The following DTHD1 variants were observed in gnomAD, a reference collection of about 807,000 sequenced individuals.
The protein encoded by DTHD1 is death domain-containing protein 1.
In DTHD1, 59 loss-of-function variants were observed where a neutral mutation model predicts 74.8. The observed-to-expected ratio is 0.79, with a 90% CI of 0.64 to 0.98. The LOEUF (loss-of-function observed/expected upper bound fraction) is 0.98. Ranked by LOEUF, DTHD1 falls within the 50% of genes least tolerant of loss-of-function variation. The pLI, the probability that DTHD1 is intolerant of heterozygous loss-of-function variation, is 0.00. For missense variants in DTHD1, 1,051 were observed against 1,065.4 expected (o/e 0.99, Z 0.19); for synonymous variants, 365 against 371.1 (o/e 0.98, Z 0.19).
At chr4:36,330,805 T>C (rs1758618132) in intron 8 of DTHD1, among the ~76,000 whole-genome samples, 1 of 152,202 alleles carries the variant, frequency 6.6e-6, no homozygotes, top group South Asian at 2.1e-4. Flanking sequence ...TTTGTGATTA[T>C]GTTGAACACA....
intron 8 of DTHD1, among the ~76,000 whole-genome samples, chr4:36,325,195 CA>C (rs1230976580): frequency 1.3e-5 from 2 of 152,102 alleles, no homozygotes; most frequent in East Asian, 1.9e-4. Context: ...CAAAATTCAC[CA>C]AAAAACTGTG....
chr4:36,329,066 A>G (rs1182789700), intron 8 of DTHD1, among the ~76,000 whole-genome samples: 2 of 152,160 alleles, frequency 1.3e-5, no homozygotes, highest in Admixed American at 1.3e-4. Context: ...TTTTTCTTTT[A>G]TGCTTTACCA....
intron 6 of DTHD1, among the ~76,000 whole-genome samples, chr4:36,306,873 G>T (rs939618352): frequency 6.6e-6 from 1 of 152,206 alleles, no homozygotes; most frequent in African/African-American, 2.4e-5. Context: ...ATTTATGATT[G>T]TCTTGAATCC....
At chr4:36,339,265 T>G (rs767382599) in intron 9 of DTHD1, 96 bp downstream of exon 9, 419 of 880,736 alleles carry the variant, frequency 4.8e-4, no homozygotes, top group Non-Finnish European at 6.5e-4. Context: ...ATGGAGAAAG[T>G]GACTTTCCAA....
At chr4:36,312,977 G>A (rs1178946444) in intron 7 of DTHD1, among the ~76,000 whole-genome samples, 1 of 152,228 alleles carries the variant, frequency 6.6e-6, no homozygotes, top group African/African-American at 2.4e-5. Context: ...GCATGGCTTA[G>A]AGGTAGAGCT....
At chr4:36,319,328 C>G (rs746165096) in intron 8 of DTHD1, among the ~76,000 whole-genome samples, 1 of 152,176 alleles carries the variant, frequency 6.6e-6, no homozygotes, top group Non-Finnish European at 1.5e-5. Context: ...TCTCCAGATT[C>G]TAAAAGTTTA....
rs1224734213 is a variant in DTHD1, at chr4:36,281,856, AC to A, written c.100del (p.Leu34PhefsTer63). The A allele has an allele frequency of 7.9e-7, 1 of 1,262,592 alleles. No homozygotes were observed. Among genetic ancestry groups the A allele is most frequent in the Admixed American group, 3.8e-5 (1 of 26,154 alleles). The allele number at this position is 1,262,592 out of a possible 1,614,324, so 78.2% of individuals were successfully genotyped here. A position where few individuals can be genotyped will look rare whatever the true frequency, so the allele number is the denominator to read the frequency against. On this transcript the variant is annotated frameshift_variant, in exon 1 of 10. Transcript: ENST00000639862. LOFTEE classifies it high-confidence loss of function. ...QMLKQALLGD[D>X]LCEGAGGATW... ...CTAAAGCAGGCACTCTTGGGTGATG[AC>A]CTTTGTGAGGGGGCTGGTGGGGCCA...
chr4:36,299,866 A>G (rs139413718), intron 5 of DTHD1, among the ~76,000 whole-genome samples: 4 of 152,222 alleles, frequency 2.6e-5, no homozygotes, highest in Non-Finnish European at 4.4e-5. Context: ...ATATTTTCCC[A>G]GCTACTGGGG....
chr4:36,297,507 C>T lies in DTHD1; in HGVS notation c.1643+2468C>T, dbSNP rs570579539. ...TCAGTTCTTCTTCTCCCTTTTCCCC[C>T]AAGCCGAAGCAATTAATTTTTTTTG... On this transcript the variant is annotated intron_variant, in intron 5 of 9. Transcript: ENST00000639862. 2.0e-5 allele frequency among the ~76,000 whole-genome samples: 3 copies of T among 152,136 alleles called. No individual in the cohort carries two copies. The East Asian group carries it at 5.8e-4, about 29-fold the overall frequency.
chr4:36,294,717 AAAAAACTGGATTAG>A (rs1054316512), intron 4 of DTHD1, 64 bp from the exon 5 acceptor site: 2 of 1,383,548 alleles, frequency 1.4e-6, no homozygotes, highest in Non-Finnish European at 1.9e-6. Flanking sequence ...TAGAATTTTC[AAAAAACTGGATTAG>A]AAATGTACCA....
chr4:36,301,462 G>T (rs1756768487), intron 5 of DTHD1, among the ~76,000 whole-genome samples: 1 of 151,988 alleles, frequency 6.6e-6, no homozygotes, highest in Non-Finnish European at 1.5e-5. Flanking sequence ...GAAAAAAAAT[G>T]ATCATTAATA....
chr4:36,344,783 T>C lies in DTHD1; in HGVS notation c.*959T>C, dbSNP rs1367494834. On this transcript the variant is annotated 3_prime_UTR_variant, in exon 10 of 10. Coordinates refer to ENST00000639862, the MANE Select transcript of DTHD1 (RefSeq NM_001170700.3). ...CCCTTGGCTGAGAGAAGGGGCTTGT[T>C]CAGATAGTTGGGAGACTTAGAATTT... The C allele has an allele frequency of 6.6e-6, 1 of 152,194 alleles. No individual in the cohort carries two copies. The highest frequency in any genetic ancestry group is 1.5e-5 in the Non-Finnish European group (1 of 68,038). The allele number at this position is 152,194 out of a possible 1,614,324, so 9.4% of individuals were successfully genotyped here.
At chr4:36,293,486 C>A (rs1232258874) in intron 3 of DTHD1, 40 bp from the exon 4 acceptor site, 8 of 1,383,764 alleles carry the variant, frequency 5.8e-6, no homozygotes, top group Non-Finnish European at 7.6e-6. Context: ...TTTTTCAAAT[C>A]AGTGCTATAG....
At chr4:36,284,751 T>G (rs971690831) in intron 2 of DTHD1, among the ~76,000 whole-genome samples, 160 bp downstream of exon 2, 2 of 152,210 alleles carry the variant, frequency 1.3e-5, no homozygotes, top group Non-Finnish European at 2.9e-5. Context: ...TCTGGAGGCT[T>G]GGAAATCCAA....
Position 36,293,631 on chromosome 4 carries a change from T to A in DTHD1, c.1324T>A (p.Ser442Thr). 1 of 1,549,502 alleles carries A rather than the reference T, an allele frequency of 6.5e-7. No individual in the cohort carries two copies. Among genetic ancestry groups the A allele is most frequent in the African/African-American group, 1.4e-5 (1 of 73,142 alleles). Reference protein sequence around the residue: ...TVTKKGLALKSSMDSRISLNY... With the variant: ...TVTKKGLALKTSMDSRISLNY... Reference sequence around the variant, plus strand: ...AACAAAGAAAGGCCTCGCTCTTAAGTCAAGCATGGATTCCCGAATATCCTT... The same window carrying A: ...AACAAAGAAAGGCCTCGCTCTTAAGACAAGCATGGATTCCCGAATATCCTT... Residue 442 changes from serine (S) to threonine (T), a missense_variant, in exon 4 of 10, where the codon TCA becomes ACA. Ser to Thr is a moderately conservative substitution (Grantham distance 58). Coordinates refer to ENST00000639862, the MANE Select transcript of DTHD1 (RefSeq NM_001170700.3).
intron 8 of DTHD1, among the ~76,000 whole-genome samples, chr4:36,323,468 T>C (rs1578478907): frequency 6.6e-6 from 1 of 152,128 alleles, no homozygotes; most frequent in East Asian, 1.9e-4. Context: ...TTAAAAAATG[T>C]TTACATCCAA....
chr4:36,326,095 A>G (rs1243066821), intron 8 of DTHD1, among the ~76,000 whole-genome samples: 1 of 152,098 alleles, frequency 6.6e-6, no homozygotes, highest in Non-Finnish European at 1.5e-5. Context: ...ATTTTGCTCC[A>G]GTTCTACTTA....
At chr4:36,302,152 A>G (rs1017013421) in intron 5 of DTHD1, among the ~76,000 whole-genome samples, 5 of 152,298 alleles carry the variant, frequency 3.3e-5, no homozygotes, top group East Asian at 3.9e-4. Context: ...CTCACCTTAA[A>G]AACTATTGCC....
At position 36,290,510 on chromosome 4, in the gene DTHD1, T is replaced by A. The variant is rs377093636; in HGVS notation, c.1025T>A (p.Leu342Ter). The A allele has an allele frequency of 4.5e-6, 7 of 1,551,566 alleles. No individual in the cohort carries two copies. The highest frequency in any genetic ancestry group is 6.1e-6 in the Non-Finnish European group (7 of 1,146,972). The change falls in exon 3 of 10, where the codon TTA (leucine) becomes TAA (stop). Residue 342 changes from leucine to a stop codon, truncating the protein, a stop_gained. Coordinates refer to ENST00000639862, the MANE Select transcript of DTHD1 (RefSeq NM_001170700.3). LOFTEE classifies it high-confidence loss of function. The part of the protein sequence containing the change: ...SSLIVGDNEE[L>*]VSNVITIECS... ...TTAATAGTGGGTGATAATGAAGAGT[T>A]AGTTAGCAACGTCATAACTATTGAA...
Sources: gnomAD v4.1 joint callset for allele counts (sites outside exome capture counted in the v4.1 genomes callset) on GRCh38, gnomAD v4.1.1 for gene constraint, MANE v1.5 for transcripts, NCBI Gene and HGNC (gene_info 2026-07-23, HGNC 2026-07-21) for gene names.